Variants in ETV7 observed in about 807,000 individuals in gnomAD.
The protein encoded by ETV7 is transcription factor ETV7.
Under a neutral mutation model 39.1 loss-of-function variants are expected in ETV7, and 43 were observed. The ratio of observed to expected loss-of-function variants is 1.10; its 90% CI spans 0.86 to 1.42. The LOEUF (loss-of-function observed/expected upper bound fraction) is 1.42. Among genes scored for constraint, ETV7 ranks in the 40% most tolerant of loss-of-function variants. ETV7 has a pLI of 0.00. For synonymous variants in ETV7, 196 were observed against 176.6 expected, an observed-to-expected ratio of 1.11 and a Z score of -0.87; for missense variants, 432 against 442.3, an observed-to-expected ratio of 0.98 and a Z score of 0.21.
In ETV7 at chr6:36,373,591, GGGA is replaced by G; in HGVS notation, c.308-16_308-14del. 2 of 1,517,862 alleles carry G rather than the reference GGGA, an allele frequency of 1.3e-6. No individual in the cohort carries two copies. The highest frequency in any genetic ancestry group is 1.8e-6 in the Non-Finnish European group (2 of 1,131,714). 94.0% of individuals were successfully genotyped at this position (1,517,862 alleles called of 1,614,324 possible). ...TACAGGACGTCACCTGGAGGTGGGT[GGGA>G]GGGAGGGCAGGCTGCTGAACAGGCC... On this transcript the variant is annotated splice_polypyrimidine_tract_variant and intron_variant, in intron 3 of 7. Transcript: ENST00000340181.
intron 2 of ETV7, among the ~76,000 whole-genome samples, chr6:36,377,902 G>A (rs952857159): frequency 9.2e-5 from 14 of 152,086 alleles, no homozygotes; most frequent in African/African-American, 3.1e-4. Context: ...TTAAGAGTGA[G>A]GAAAGGTTTC....
At chr6:36,368,147 C>A (rs1188539037) in intron 6 of ETV7, among the ~76,000 whole-genome samples, 2 of 152,140 alleles carry the variant, frequency 1.3e-5, no homozygotes, top group Non-Finnish European at 2.9e-5. Context: ...AAACTTGGGG[C>A]AAGTTGTTAG....
chr6:36,357,262 C>T (rs757040607), intron 7 of ETV7, among the ~76,000 whole-genome samples: 10 of 152,104 alleles, frequency 6.6e-5, no homozygotes, highest in Admixed American at 2.0e-4. Context: ...GAGAGGGCAG[C>T]GCACAGAAGC....
Position 36,366,680 on chromosome 6 carries a change from C to G in ETV7, c.991G>C (p.Glu331Gln), listed in dbSNP as rs762834204. 5.6e-6 allele frequency: 9 copies of G among 1,614,168 alleles called. No individual in the cohort carries two copies. The highest frequency in any genetic ancestry group is 6.8e-6 in the Non-Finnish European group (8 of 1,180,028). ...ATTTCTGGCCTCTTGTCCTTGAACT[C>G]TATTCTGTCCTGCTCCTGGCTCTCC... ...PLESQEQDRI[E>Q]FKDKRPEISP The change falls in exon 8 of 8, where the codon GAG becomes CAG. Residue 331 changes from glutamate to glutamine, a missense_variant. Physicochemically the swap from Glu to Gln is conservative, Grantham distance 29. Transcript: ENST00000340181.
chr6:36,386,054 G>A (rs1456437640), intron 1 of ETV7, among the ~76,000 whole-genome samples: 1 of 152,210 alleles, frequency 6.6e-6, no homozygotes, highest in Non-Finnish European at 1.5e-5. Flanking sequence ...TAGACCAGGT[G>A]CGGTGGCTCA....
intron 1 of ETV7, among the ~76,000 whole-genome samples, chr6:36,385,916 G>A (rs1418378211): frequency 6.6e-6 from 1 of 152,118 alleles, no homozygotes; most frequent in East Asian, 1.9e-4. Context: ...ACTCCAAGAG[G>A]GATCCCCTGC....
intron 2 of ETV7, among the ~76,000 whole-genome samples, chr6:36,379,651 G>A (rs1773556005): frequency 1.3e-5 from 2 of 151,918 alleles, no homozygotes; most frequent in South Asian, 4.2e-4. Context: ...GCCAAGGCAG[G>A]CAGATCATAA....
At chr6:36,356,786 T>C (rs1772354235) in intron 7 of ETV7, among the ~76,000 whole-genome samples, 1 of 152,186 alleles carries the variant, frequency 6.6e-6, no homozygotes, top group Non-Finnish European at 1.5e-5. Flanking sequence ...GGATGGTAGA[T>C]GGAATGCTGG....
intron 4 of ETV7, among the ~76,000 whole-genome samples, chr6:36,371,943 ATC>A (rs571770490): frequency 1.0e-3 from 152 of 152,372 alleles, no homozygotes; most frequent in African/African-American, 3.5e-3. Flanking sequence ...TTGAGCATAT[ATC>A]GCTGAGCTCC....
intron 4 of ETV7, 36 bp from the exon 5 acceptor site, chr6:36,371,596 G>T (rs1405038108): frequency 7.9e-6 from 12 of 1,526,706 alleles, no homozygotes; most frequent in Non-Finnish European, 1.1e-5. Flanking sequence ...AGCAGGCAGT[G>T]GGCCCCAAGC....
At chr6:36,378,240 GAAAAA>G (rs34940984) in intron 2 of ETV7, among the ~76,000 whole-genome samples, 1 of 140,338 alleles carries the variant, frequency 7.1e-6, no homozygotes, top group East Asian at 2.0e-4. Context: ...ATCTAATATG[GAAAAA>G]AAAAAAAAAA....
chr6:36,381,035 C>G (rs1188031872), intron 2 of ETV7, among the ~76,000 whole-genome samples: 1 of 152,052 alleles, frequency 6.6e-6, no homozygotes, highest in African/African-American at 2.4e-5. Context: ...AAAGCTATTT[C>G]CCACCACTTC....
intron 7 of ETV7, among the ~76,000 whole-genome samples, chr6:36,358,433 C>T (rs1042501744): frequency 2.0e-5 from 3 of 152,144 alleles, no homozygotes; most frequent in African/African-American, 7.2e-5. Flanking sequence ...ACTCACTGGT[C>T]AGTCAGGAAA....
At chr6:36,366,063 A>C, downstream of ETV7, 2 of 390,950 alleles carry the variant, frequency 5.1e-6, no homozygotes, top group South Asian at 1.0e-4. Flanking sequence ...AATCCCAGCT[A>C]CTCCGGAGGC....
At chr6:36,378,250 A>AAC (rs1281865799) in intron 2 of ETV7, among the ~76,000 whole-genome samples, 14 of 151,786 alleles carry the variant, frequency 9.2e-5, no homozygotes, top group African/African-American at 1.5e-4. Context: ...GAAAAAAAAA[A>AAC]AAAAAACCTG....
intron 7 of ETV7, chr6:36,354,703 A>AG: frequency 1.4e-6 from 1 of 696,084 alleles, no homozygotes; most frequent in South Asian, 1.5e-5. Context: ...ATAAAAAAAA[A>AG]AAGCAGTTGG....
chr6:36,373,042 G>A (rs1213955749), intron 4 of ETV7, among the ~76,000 whole-genome samples: 1 of 151,776 alleles, frequency 6.6e-6, no homozygotes, highest in African/African-American at 2.4e-5. Flanking sequence ...TGGAAGCCAA[G>A]GGAAGAAAGA....
Position 36,366,370 on chromosome 6 carries a change from A to C in ETV7, c.*275T>G. On this transcript the variant is annotated 3_prime_UTR_variant, in exon 8 of 8. Coordinates refer to ENST00000340181, the MANE Select transcript of ETV7 (RefSeq NM_016135.4). ...TTACAGGGGTGGGGCTGGGTGCTCT[A>C]TCGGTGCCTGGCTTCCTCTCCCAGG... 1 of 1,261,512 alleles carries C rather than the reference A, an allele frequency of 7.9e-7. No homozygotes were observed. The highest frequency in any genetic ancestry group is 1.5e-5 in the African/African-American group (1 of 66,722). 78.1% of individuals were successfully genotyped at this position (1,261,512 alleles called of 1,614,324 possible). A position where few individuals can be genotyped will look rare whatever the true frequency, so the allele number is the denominator to read the frequency against.
At chr6:36,375,787 C>T (rs768355116) in intron 3 of ETV7, 84 bp downstream of exon 3, 1 of 1,600,876 alleles carries the variant, frequency 6.2e-7, no homozygotes, top group South Asian at 1.1e-5. Flanking sequence ...CCTCCATCTC[C>T]CTCCCTGGGC....
Sources: allele counts gnomAD v4.1 joint callset (sites outside exome capture counted in the v4.1 genomes callset), GRCh38; gene constraint gnomAD v4.1.1; transcripts MANE v1.5; gene names NCBI Gene and HGNC (gene_info 2026-07-23, HGNC 2026-07-21).